Variants in MAN1A1 observed in about 807,000 individuals in gnomAD.
MAN1A1 encodes mannosidase alpha class 1A member 1, also known as mannosyl-oligosaccharide 1,2-alpha-mannosidase IA.
Under a neutral mutation model 70.8 loss-of-function variants are expected in MAN1A1, and 29 were observed. That is an observed-to-expected ratio of 0.41 (90% confidence interval 0.31 to 0.56). The LOEUF is 0.56. MAN1A1 is among the 20% of genes least tolerant of loss of function. The pLI is 0.29. For missense variants in MAN1A1, 747 were observed against 841.3 expected, an observed-to-expected ratio of 0.89 and a Z score of 1.39; for synonymous variants, 349 against 330.1, an observed-to-expected ratio of 1.06 and a Z score of -0.62.
chr6:119,319,473 A>G (rs1283195102), intron 2 of MAN1A1, among the ~76,000 whole-genome samples: 1 of 151,862 alleles, frequency 6.6e-6, no homozygotes, highest in Non-Finnish European at 1.5e-5. Flanking sequence ...GCAACCTGTT[A>G]AAATAGACTG....
chr6:119,242,688 G>A (rs1175730173), intron 6 of MAN1A1, among the ~76,000 whole-genome samples: 1 of 152,090 alleles, frequency 6.6e-6, no homozygotes, highest in African/African-American at 2.4e-5. Context: ...TTAACCTTCT[G>A]CACATTAACC....
chr6:119,246,117 T>G lies in MAN1A1; in HGVS notation c.992+2143A>C, dbSNP rs145762241. Reference sequence around the variant, plus strand: ...TAGTATATTTTGAATTCCAATTTCTTATGCTTATTTCAAGGGAGGCCAGTA... The same window carrying G: ...TAGTATATTTTGAATTCCAATTTCTGATGCTTATTTCAAGGGAGGCCAGTA... On this transcript the variant is annotated intron_variant, in intron 6 of 12. Transcript: ENST00000368468. Among the ~76,000 whole-genome samples the G allele has an allele frequency of 1.6e-4, 24 of 152,316 alleles. No individual in the cohort carries two copies. In the East Asian group the frequency reaches 4.4e-3, roughly 28 times the overall value.
chr6:119,329,213 GC>G (rs1468498721), intron 2 of MAN1A1, among the ~76,000 whole-genome samples: 2 of 152,192 alleles, frequency 1.3e-5, no homozygotes, highest in African/African-American at 4.8e-5. Flanking sequence ...CCTCTGAGAT[GC>G]TTATTACAAA....
chr6:119,231,729 T>C (rs1450722432), intron 6 of MAN1A1, among the ~76,000 whole-genome samples: 12 of 152,230 alleles, frequency 7.9e-5, no homozygotes, highest in African/African-American at 2.6e-4. Flanking sequence ...TCTCACTGAA[T>C]ATAGTTTCAC....
chr6:119,180,195 G>A, intron 12 of MAN1A1, 117 bp downstream of exon 12: 1 of 778,260 alleles, frequency 1.3e-6, no homozygotes, highest in Non-Finnish European at 2.1e-6. Flanking sequence ...TTATAGCCAT[G>A]CCTGATATTC....
intron 5 of MAN1A1, among the ~76,000 whole-genome samples, chr6:119,287,544 CT>C (rs3216465): frequency 9.2e-4 from 136 of 147,758 alleles, no homozygotes; most frequent in African/African-American, 2.4e-3. Context: ...ACAGATGTCA[CT>C]TTTTTTTTTA....
At chr6:119,283,033 C>T (rs1776262998) in intron 5 of MAN1A1, among the ~76,000 whole-genome samples, 1 of 152,178 alleles carries the variant, frequency 6.6e-6, no homozygotes. Flanking sequence ...CAAATAGTCT[C>T]CAGCTGATTT....
chr6:119,294,052 C>T (rs377473789), intron 4 of MAN1A1, among the ~76,000 whole-genome samples: 1 of 152,074 alleles, frequency 6.6e-6, no homozygotes, highest in East Asian at 1.9e-4. Flanking sequence ...TAAAACCTAC[C>T]TTCCCAGGGT....
At chr6:119,318,930 T>A (rs1357806317) in intron 2 of MAN1A1, among the ~76,000 whole-genome samples, 1 of 152,220 alleles carries the variant, frequency 6.6e-6, no homozygotes, top group African/African-American at 2.4e-5. Context: ...TTTGTGTTAC[T>A]GAAAAGAGAC....
Position 119,349,702 on chromosome 6 carries a change from G to C in MAN1A1, c.-383C>G. On this transcript the variant is annotated 5_prime_UTR_variant, in exon 1 of 13. Transcript: ENST00000368468. ...CTCAGGTGGGCGAGCGCGCCGACCT[G>C]CGGGCGAATGGCAGCGAGTAGAGCA... 1.0e-6 allele frequency: 1 copy of C among 985,838 alleles called. No homozygotes were observed. The highest frequency in any genetic ancestry group is 1.2e-6 in the Non-Finnish European group (1 of 830,056). 61.1% of individuals were successfully genotyped at this position (985,838 alleles called of 1,614,324 possible). A position where few individuals can be genotyped will look rare whatever the true frequency, so the allele number is the denominator to read the frequency against.
intron 2 of MAN1A1, among the ~76,000 whole-genome samples, chr6:119,314,624 A>C (rs572414760): frequency 2.6e-4 from 39 of 152,122 alleles, no homozygotes; most frequent in Non-Finnish European, 5.0e-4. Flanking sequence ...TGCTGCTTGC[A>C]AACCTCAGAC....
intron 1 of MAN1A1, 44 bp from the exon 2 acceptor site, chr6:119,349,331 T>C (rs1425029047): frequency 2.6e-6 from 3 of 1,148,854 alleles, no homozygotes; most frequent in Middle Eastern, 3.6e-4. Flanking sequence ...ACGGCGATGA[T>C]AAAGTTTCCA....
chr6:119,205,563 T>C (rs561377909), intron 6 of MAN1A1, among the ~76,000 whole-genome samples: 16 of 152,222 alleles, frequency 1.1e-4, no homozygotes, highest in Non-Finnish European at 1.9e-4. Flanking sequence ...TACTGCTTCA[T>C]GGCCTTTCTT....
chr6:119,255,923 A>T (rs911886189), intron 5 of MAN1A1, among the ~76,000 whole-genome samples: 10 of 151,642 alleles, frequency 6.6e-5, no homozygotes, highest in African/African-American at 2.4e-4. Context: ...TCATTTTTTA[A>T]AAAAAATATA....
intron 2 of MAN1A1, among the ~76,000 whole-genome samples, chr6:119,330,447 T>C (rs1218520252): frequency 2.6e-5 from 4 of 152,200 alleles, no homozygotes; most frequent in African/African-American, 9.7e-5. Flanking sequence ...GTTTTAAGTA[T>C]CTCAAGGATC....
chr6:119,220,185 C>T (rs1582708039), intron 6 of MAN1A1, among the ~76,000 whole-genome samples: 1 of 152,200 alleles, frequency 6.6e-6, no homozygotes, highest in East Asian at 1.9e-4. Flanking sequence ...AACTACTTTA[C>T]TATGGACAAT....
At chr6:119,219,034 T>C (rs932242795) in intron 6 of MAN1A1, among the ~76,000 whole-genome samples, 8 of 152,260 alleles carry the variant, frequency 5.3e-5, no homozygotes, top group African/African-American at 1.9e-4. Context: ...TAGCCAAGGG[T>C]AAAACTGGTT....
intron 8 of MAN1A1, among the ~76,000 whole-genome samples, chr6:119,199,898 A>G (rs1343958911): frequency 6.6e-6 from 1 of 152,088 alleles, no homozygotes; most frequent in Non-Finnish European, 1.5e-5. Context: ...ACTGTACTCC[A>G]GCCTGGGTGA....
At chr6:119,285,965 G>A (rs1776362764) in intron 5 of MAN1A1, among the ~76,000 whole-genome samples, 1 of 152,136 alleles carries the variant, frequency 6.6e-6, no homozygotes, top group Admixed American at 6.5e-5. Flanking sequence ...CTGGTCACTA[G>A]GAAACCGGAA....
Sources: gnomAD v4.1 joint callset for allele counts (sites outside exome capture counted in the v4.1 genomes callset) on GRCh38, gnomAD v4.1.1 for gene constraint, MANE v1.5 for transcripts, NCBI Gene and HGNC (gene_info 2026-07-23, HGNC 2026-07-21) for gene names.